Variants in CNBD1 observed in about 807,000 individuals in gnomAD.
CNBD1 encodes cyclic nucleotide-binding domain-containing protein 1.
CNBD1 carries 71 observed loss-of-function variants against 54.4 expected under a neutral mutation model. That is an observed-to-expected ratio of 1.30 (90% CI 1.08 to 1.59). The LOEUF is 1.59. Ranked by LOEUF, CNBD1 falls within the 40% of genes most tolerant of loss-of-function variation. CNBD1 has a pLI of 0.00. For missense variants in CNBD1, 659 were observed against 518.0 expected (o/e 1.27, Z -2.64); for synonymous variants, 182 against 170.7 (o/e 1.07, Z -0.51).
At chr8:87,179,951 T>C (rs368723094) in intron 4 of CNBD1, among the ~76,000 whole-genome samples, 7 of 152,292 alleles carry the variant, frequency 4.6e-5, no homozygotes, top group African/African-American at 1.7e-4. Flanking sequence ...GAGGGCTAAT[T>C]TGGAAGCTTG....
intron 4 of CNBD1, among the ~76,000 whole-genome samples, chr8:86,954,110 A>G (rs7002612): frequency 0.14 from 21,733 of 152,210 alleles, 2,208 homozygotes; most frequent in African/African-American, 0.29. Context: ...CAAACAATTT[A>G]TCTCATGTCC....
At chr8:86,978,589 C>T (rs941220955) in intron 4 of CNBD1, among the ~76,000 whole-genome samples, 1 of 123,842 alleles carries the variant, frequency 8.1e-6, no homozygotes, top group Admixed American at 1.1e-4. Context: ...GTTGCCCAGG[C>T]TGGAGTGCAA....
At chr8:87,381,165 T>C (rs1811065003) in intron 10 of CNBD1, among the ~76,000 whole-genome samples, 1 of 152,082 alleles carries the variant, frequency 6.6e-6, no homozygotes, top group African/African-American at 2.4e-5. Flanking sequence ...CCAAAATATA[T>C]AAGACAATAT....
intron 4 of CNBD1, among the ~76,000 whole-genome samples, chr8:86,963,763 C>T (rs1233371843): frequency 6.6e-6 from 1 of 152,152 alleles, no homozygotes; most frequent in Non-Finnish European, 1.5e-5. Context: ...GAGGTCCAAC[C>T]TCCTTTCCTT....
chr8:87,337,469 A>C (rs899310214), intron 8 of CNBD1, among the ~76,000 whole-genome samples: 1 of 152,200 alleles, frequency 6.6e-6, no homozygotes, highest in African/African-American at 2.4e-5. Context: ...CAAGGAGCTC[A>C]GATGGCTTAG....
At chr8:87,060,451 G>T (rs1394110879) in intron 4 of CNBD1, among the ~76,000 whole-genome samples, 1 of 152,174 alleles carries the variant, frequency 6.6e-6, no homozygotes, top group African/African-American at 2.4e-5. Context: ...TATTATAGGA[G>T]ATAACCTAGT....
rs191656986 is a variant in CNBD1 at position 86,986,491 on chromosome 8, C to T, written c.431+46737C>T. 2.7e-3 allele frequency among the ~76,000 whole-genome samples: 410 copies of T among 151,948 alleles called. 2 individuals are homozygous for T. The highest frequency in any genetic ancestry group is 2.5e-3 in the Non-Finnish European group (172 of 67,986). ...TGTTTACTCTTTTAGTAGTTTCTTA[C>T]GCTGTGCAGAAGCTCTTTAATTTAA... is the stretch of plus-strand genomic sequence containing the variant. On this transcript the variant is annotated intron_variant, in intron 4 of 10. Coordinates refer to ENST00000518476, the MANE Select transcript of CNBD1 (RefSeq NM_173538.3).
At chr8:86,932,522 G>T (rs990785768) in intron 3 of CNBD1, among the ~76,000 whole-genome samples, 2 of 152,152 alleles carry the variant, frequency 1.3e-5, no homozygotes, top group Admixed American at 1.3e-4. Context: ...TGCAAACTTT[G>T]CATAGTTGTG....
At chr8:86,917,293 G>A (rs1412786117) in intron 3 of CNBD1, among the ~76,000 whole-genome samples, 2 of 152,082 alleles carry the variant, frequency 1.3e-5, no homozygotes, top group African/African-American at 2.4e-5. Flanking sequence ...TATGTAAATT[G>A]GAGTCCTTGG....
At chr8:87,299,941 T>C (rs930752559) in intron 8 of CNBD1, among the ~76,000 whole-genome samples, 3 of 152,192 alleles carry the variant, frequency 2.0e-5, no homozygotes, top group African/African-American at 7.2e-5. Context: ...TGAAATCATA[T>C]ACTTGAGCTT....
intron 8 of CNBD1, among the ~76,000 whole-genome samples, chr8:87,323,266 T>C (rs1290822566): frequency 2.1e-3 from 212 of 100,974 alleles, no homozygotes; most frequent in Non-Finnish European, 3.3e-3. Flanking sequence ...TCTTTTGGCT[T>C]AGGATTGACT....
At chr8:86,985,723 G>T (rs1027357306) in intron 4 of CNBD1, among the ~76,000 whole-genome samples, 7 of 152,092 alleles carry the variant, frequency 4.6e-5, no homozygotes, top group African/African-American at 1.4e-4. Context: ...TCAGAAATGG[G>T]TTTGCTAGAT....
chr8:87,265,725 A>T (rs1457962494), intron 6 of CNBD1, among the ~76,000 whole-genome samples: 1 of 152,048 alleles, frequency 6.6e-6, no homozygotes, highest in Non-Finnish European at 1.5e-5. Flanking sequence ...ATCATTTATG[A>T]CTGCTTTCTG....
chr8:86,943,822 A>AG (rs1302759440), intron 4 of CNBD1, among the ~76,000 whole-genome samples: 2 of 152,232 alleles, frequency 1.3e-5, no homozygotes, highest in African/African-American at 2.4e-5. Context: ...CAAAAAGGGA[A>AG]GGGGGGACAG....
intron 4 of CNBD1, among the ~76,000 whole-genome samples, chr8:86,967,285 T>G (rs941088479): frequency 1.3e-5 from 2 of 152,226 alleles, no homozygotes; most frequent in African/African-American, 4.8e-5. Flanking sequence ...TCTTGCTTGC[T>G]GCGGGCCCTA....
At chr8:86,947,067 G>A (rs1300438422) in intron 4 of CNBD1, among the ~76,000 whole-genome samples, 1 of 152,104 alleles carries the variant, frequency 6.6e-6, no homozygotes, top group African/African-American at 2.4e-5. Flanking sequence ...AGATTTGGTT[G>A]TTTCTAGTAG....
intron 4 of CNBD1, among the ~76,000 whole-genome samples, chr8:87,184,419 G>A (rs538546327): frequency 6.6e-6 from 1 of 152,256 alleles, no homozygotes; most frequent in East Asian, 1.9e-4. Flanking sequence ...CCACCTAGAG[G>A]AGGAGTATGG....
At chr8:87,390,479 A>G (rs890176334) in intron 2 of CNBD1, among the ~76,000 whole-genome samples, 1 of 152,160 alleles carries the variant, frequency 6.6e-6, no homozygotes, top group Non-Finnish European at 1.5e-5. Context: ...AGCCAAAAGA[A>G]ACATGAAAAA....
At chr8:87,391,430 C>T (rs759520979) in intron 2 of CNBD1, among the ~76,000 whole-genome samples, 3 of 152,052 alleles carry the variant, frequency 2.0e-5, no homozygotes, top group Non-Finnish European at 2.9e-5. Flanking sequence ...GAGAACAAAG[C>T]GGACAGACAT....
Sources: allele counts gnomAD v4.1 joint callset (sites outside exome capture counted in the v4.1 genomes callset), GRCh38; gene constraint gnomAD v4.1.1; transcripts MANE v1.5; gene names NCBI Gene and HGNC (gene_info 2026-07-23, HGNC 2026-07-21).